Variants in ELL observed in about 807,000 individuals in gnomAD.
The protein encoded by ELL is elongation factor for RNA polymerase II, also known as RNA polymerase II elongation factor ELL.
In ELL, 18 loss-of-function variants were observed where a neutral mutation model predicts 64.0. The observed-to-expected ratio is 0.28, with a 90% CI of 0.19 to 0.42. ELL has a LOEUF of 0.42. Ranked by LOEUF, ELL falls within the 10% of genes least tolerant of loss-of-function variation. The pLI is 1.00. For missense variants in ELL, 797 were observed against 870.4 expected, an observed-to-expected ratio of 0.92 and a Z score of 1.06; for synonymous variants, 399 against 376.2, an observed-to-expected ratio of 1.06 and a Z score of -0.70.
rs756063677 is a variant in ELL, at chr19:18,446,320, C to T, written c.1693G>A (p.Glu565Lys). ...CGGGGGGGCTCTACCTCATACTCCT[C>T]GGAGCCCTGGGAGAGCTGCCGGAGC... ...AQLRQLSQGS[E>K]EYETTRGQIL... The change falls in exon 10 of 12, where the codon GAG becomes AAG. Residue 565 changes from glutamate (E) to lysine (K), a missense_variant. Transcript: ENST00000262809. The T allele has an allele frequency of 6.3e-6, 10 of 1,586,678 alleles. No homozygotes were observed. Among genetic ancestry groups the T allele is most frequent in the Middle Eastern group, 1.7e-4 (1 of 6,006 alleles).
chr19:18,516,442 C>T (rs1033678224), intron 1 of ELL, among the ~76,000 whole-genome samples: 3 of 152,200 alleles, frequency 2.0e-5, no homozygotes, highest in African/African-American at 4.8e-5. Context: ...ACGTTGACCG[C>T]CGGTGAGTTA....
chr19:18,501,944 T>C lies in ELL; in HGVS notation c.135+19977A>G, dbSNP rs1013804748. Among the ~76,000 whole-genome samples the C allele has an allele frequency of 4.6e-5, 7 of 151,964 alleles. No individual in the cohort carries two copies. The highest frequency in any genetic ancestry group is 3.3e-4 in the Admixed American group (5 of 15,262). On this transcript the variant is annotated intron_variant, in intron 1 of 11. Coordinates refer to ENST00000262809, the MANE Select transcript of ELL (RefSeq NM_006532.4). This position sits in a 1 kb window ranked among gnomAD's most constrained non-coding sequence, Gnocchi z 4.5. Reference sequence around the variant, plus strand: ...AGGAAGAGGAAGAAACACTGGGGCCTGGCGGGCAGGTCCTGGGGCCTCATG... The same window carrying C: ...AGGAAGAGGAAGAAACACTGGGGCCCGGCGGGCAGGTCCTGGGGCCTCATG...
intron 2 of ELL, among the ~76,000 whole-genome samples, chr19:18,467,816 A>C (rs1362523385): frequency 1.2e-5 from 1 of 82,814 alleles, no homozygotes. Flanking sequence ...CACACACACA[A>C]ACACAACCCC....
intron 1 of ELL, among the ~76,000 whole-genome samples, chr19:18,520,676 C>T (rs1976246606): frequency 6.6e-6 from 1 of 151,904 alleles, no homozygotes; most frequent in Non-Finnish European, 1.5e-5. Flanking sequence ...AGCCACATTC[C>T]TTCCTAGTTA....
intron 1 of ELL, among the ~76,000 whole-genome samples, chr19:18,488,007 G>A (rs1975454772): frequency 1.3e-5 from 2 of 152,170 alleles, no homozygotes; most frequent in African/African-American, 4.8e-5. Flanking sequence ...CCACAACCAG[G>A]CTGGCAAGTG....
chr19:18,500,116 T>C (rs1001669649), intron 1 of ELL, among the ~76,000 whole-genome samples: 2 of 151,764 alleles, frequency 1.3e-5, no homozygotes, highest in African/African-American at 4.8e-5. Context: ...ACAAAAATTA[T>C]CTGGGCATGG....
chr19:18,472,031 C>T (rs1489216859), intron 2 of ELL, among the ~76,000 whole-genome samples: 3 of 151,832 alleles, frequency 2.0e-5, no homozygotes, highest in Non-Finnish European at 4.4e-5. Context: ...GGTGCGATCT[C>T]GGCTCACTGC....
At chr19:18,452,520 T>G (rs959451395) in intron 6 of ELL, among the ~76,000 whole-genome samples, 1 of 151,756 alleles carries the variant, frequency 6.6e-6, no homozygotes, top group African/African-American at 2.4e-5. Flanking sequence ...AAAGGAGGAG[T>G]GAAGACACCG....
intron 1 of ELL, among the ~76,000 whole-genome samples, chr19:18,510,366 C>T (rs1975991130): frequency 6.6e-6 from 1 of 152,198 alleles, no homozygotes; most frequent in Non-Finnish European, 1.5e-5. Flanking sequence ...GAGTGAGACT[C>T]GGTCTCAAAA....
chr19:18,482,348 C>T (rs1176921563), intron 1 of ELL, among the ~76,000 whole-genome samples: 11 of 108,810 alleles, frequency 1.0e-4, no homozygotes, highest in African/African-American at 2.9e-4. Context: ...AACAGGGTCT[C>T]GCCCTGTCAC....
rs759376680 is a variant in ELL at position 18,450,917 on chromosome 19, G to A, written c.1025C>T (p.Ser342Leu). 2.6e-6 allele frequency: 4 copies of A among 1,545,324 alleles called. No homozygotes were observed. Among genetic ancestry groups the A allele is most frequent in the Admixed American group, 2.1e-5 (1 of 48,274 alleles). The part of the protein sequence containing the change: ...DPLANKKPRI[S>L]HFTQRAQPAV... ...AGGCTGAGCTCTCTGAGTGAAGTGC[G>A]ATATCCGGGGTTTCTTGTTGGCTAG... The change falls in exon 8 of 12, where the codon TCG becomes TTG. Residue 342 changes from serine (S) to leucine (L), a missense_variant. Ser to Leu is a moderately radical substitution (Grantham distance 145, BLOSUM62 -2). Coordinates refer to ENST00000262809, the MANE Select transcript of ELL (RefSeq NM_006532.4).
intron 1 of ELL, among the ~76,000 whole-genome samples, chr19:18,511,344 T>C (rs1976018672): frequency 6.6e-6 from 1 of 151,620 alleles, no homozygotes; most frequent in South Asian, 2.1e-4. Flanking sequence ...GCAGGAGAAT[T>C]GCTTCAACCT....
chr19:18,493,187 G>A (rs1490015230), intron 1 of ELL, among the ~76,000 whole-genome samples: 1 of 152,228 alleles, frequency 6.6e-6, no homozygotes, highest in South Asian at 2.1e-4. Flanking sequence ...CAAGTCCAGG[G>A]ATTTGTCTGA....
At chr19:18,499,747 G>A (rs1444791835) in intron 1 of ELL, among the ~76,000 whole-genome samples, 2 of 152,160 alleles carry the variant, frequency 1.3e-5, no homozygotes, top group Non-Finnish European at 2.9e-5. Flanking sequence ...GGAACAGAGG[G>A]GCACAGGGGA....
intron 1 of ELL, among the ~76,000 whole-genome samples, chr19:18,518,388 C>T (rs1387959060): frequency 1.3e-5 from 2 of 151,522 alleles, no homozygotes; most frequent in Admixed American, 1.3e-4. Context: ...GTGGCCCCAG[C>T]TACTCAGGAG....
In ELL at chr19:18,450,536, T is replaced by C. The variant is rs1974502430; in HGVS notation, c.1406A>G (p.Gln469Arg). 6.2e-7 allele frequency: 1 copy of C among 1,613,152 alleles called. No homozygotes were observed. The highest frequency in any genetic ancestry group is 1.1e-5 in the South Asian group (1 of 91,092). The change falls in exon 8 of 12, where the codon CAG (glutamine) becomes CGG (arginine). Residue 469 changes from glutamine to arginine, a missense_variant. Gln to Arg is a conservative substitution (Grantham distance 43). Coordinates refer to ENST00000262809, the MANE Select transcript of ELL (RefSeq NM_006532.4). The part of the protein sequence containing the change: ...ERAAEDKPRA[Q>R]LPDCAPATHA... ...GGTGGCAGGTGCACAGTCTGGAAGC[T>C]GGGCCCGGGGCTTGTCCTCAGCCGC...
At chr19:18,478,462 C>T (rs1975224512) in intron 1 of ELL, among the ~76,000 whole-genome samples, 2 of 152,222 alleles carry the variant, frequency 1.3e-5, no homozygotes, top group South Asian at 2.1e-4. Flanking sequence ...TCTGTAGACC[C>T]TCTGAGGGGT....
At chr19:18,500,138 T>C (rs1006365870) in intron 1 of ELL, among the ~76,000 whole-genome samples, 3 of 151,976 alleles carry the variant, frequency 2.0e-5, no homozygotes, top group African/African-American at 7.3e-5. Flanking sequence ...GGCGGGTGCC[T>C]GTAACCCCAG....
At chr19:18,458,476 T>C in intron 5 of ELL, 147 bp from the exon 6 acceptor site, 2 of 1,270,360 alleles carry the variant, frequency 1.6e-6, no homozygotes, top group Non-Finnish European at 2.1e-6. Context: ...GATGGCCCAC[T>C]ACCGATCCGT....
Sources: gnomAD v4.1 joint callset for allele counts (sites outside exome capture counted in the v4.1 genomes callset) on GRCh38, gnomAD v4.1.1 for gene constraint, Gnocchi (gnomAD v3.1) non-coding constraint, MANE v1.5 for transcripts, NCBI Gene and HGNC (gene_info 2026-07-23, HGNC 2026-07-21) for gene names.